RAB31: variants seen among roughly 807,000 people sequenced by gnomAD.
The protein encoded by RAB31 is ras-related protein Rab-31.
In RAB31, 21 loss-of-function variants were observed where a neutral mutation model predicts 25.6. That is an observed-to-expected ratio of 0.82 (90% confidence interval 0.58 to 1.18). The LOEUF (loss-of-function observed/expected upper bound fraction) is 1.18, where lower values mean the gene tolerates loss of function less well. RAB31 is among the 50% of genes most tolerant of loss of function. The pLI is 0.00. For synonymous variants in RAB31, 87 were observed against 84.0 expected (o/e 1.04, Z -0.20); for missense variants, 196 against 250.1 (o/e 0.78, Z 1.46).
chr18:9,846,696 G>T (rs2068763632), intron 6 of RAB31, among the ~76,000 whole-genome samples: 1 of 152,160 alleles, frequency 6.6e-6, no homozygotes, highest in Non-Finnish European at 1.5e-5. Flanking sequence ...AGAAGCCGTG[G>T]CTTCCCAGAA....
intron 6 of RAB31, among the ~76,000 whole-genome samples, chr18:9,858,714 G>A (rs557069002): frequency 3.2e-4 from 48 of 152,344 alleles, no homozygotes; most frequent in African/African-American, 1.2e-3. Flanking sequence ...TGCATTGGCA[G>A]GATGAGGGAT....
At chr18:9,824,380 GTA>G (rs1275605307) in intron 5 of RAB31, among the ~76,000 whole-genome samples, 7 of 150,812 alleles carry the variant, frequency 4.6e-5, no homozygotes, top group African/African-American at 1.2e-4. Context: ...GTGTAGATGT[GTA>G]TGTGTGTGTG....
At chr18:9,709,529 G>A (rs1345851783) in intron 1 of RAB31, among the ~76,000 whole-genome samples, 1 of 152,226 alleles carries the variant, frequency 6.6e-6, no homozygotes, top group East Asian at 1.9e-4. Context: ...TTTCGGTGAG[G>A]ACTGAATTGT....
At chr18:9,775,879 C>A (rs545626424) in intron 2 of RAB31, among the ~76,000 whole-genome samples, 2 of 152,220 alleles carry the variant, frequency 1.3e-5, no homozygotes, top group Admixed American at 1.3e-4. Context: ...CTGCAACCTC[C>A]ACCTCCAGGG....
chr18:9,853,958 CTTTTCTT>C (rs2068802204), intron 6 of RAB31, among the ~76,000 whole-genome samples: 1 of 115,378 alleles, frequency 8.7e-6, no homozygotes. Context: ...CTTTTCTTTT[CTTTTCTT>C]TTTTTTTTTT....
intron 5 of RAB31, among the ~76,000 whole-genome samples, chr18:9,829,965 T>C (rs1311679775): frequency 6.6e-6 from 1 of 151,828 alleles, no homozygotes; most frequent in Admixed American, 6.6e-5. Context: ...ATTTAGGTCT[T>C]ATATTTTCAT....
chr18:9,729,394 G>A (rs1052785051), intron 1 of RAB31, among the ~76,000 whole-genome samples: 1 of 152,008 alleles, frequency 6.6e-6, no homozygotes, highest in Non-Finnish European at 1.5e-5. Flanking sequence ...GGGCGTGGTG[G>A]TGGGCACCTG....
At chr18:9,713,539 G>C (rs1411540686) in intron 1 of RAB31, among the ~76,000 whole-genome samples, 1 of 152,018 alleles carries the variant, frequency 6.6e-6, no homozygotes, top group Non-Finnish European at 1.5e-5. Flanking sequence ...AATCCATCAG[G>C]GTCCCTTTGT....
Position 9,861,926 on chromosome 18 carries a change from G to A in RAB31, c.*2601G>A, listed in dbSNP as rs1474495716. 1.3e-5 allele frequency: 2 copies of A among 152,618 alleles called. No homozygotes were observed. Among genetic ancestry groups the A allele is most frequent in the Non-Finnish European group, 2.9e-5 (2 of 68,040 alleles). 9.5% of individuals were successfully genotyped at this position (152,618 alleles called of 1,614,324 possible). Reference sequence around the variant, plus strand: ...TGAGAATGACAGTGGAGTTGTGCAAGCATTTTACATTGCCACATAATTGAC... The same window carrying A: ...TGAGAATGACAGTGGAGTTGTGCAAACATTTTACATTGCCACATAATTGAC... On this transcript the variant is annotated 3_prime_UTR_variant, in exon 7 of 7. Transcript: ENST00000578921.
intron 1 of RAB31, among the ~76,000 whole-genome samples, chr18:9,748,333 C>T (rs190102697): frequency 3.3e-5 from 5 of 151,326 alleles, no homozygotes; most frequent in Admixed American, 1.3e-4. Flanking sequence ...CCTATCTCTA[C>T]CCCCTACCCC....
At chr18:9,830,486 G>A (rs2068672347) in intron 5 of RAB31, 1 of 152,062 alleles carries the variant, frequency 6.6e-6, no homozygotes, top group Non-Finnish European at 1.5e-5. Flanking sequence ...TCACCCCTTG[G>A]AGGTCACTAT....
chr18:9,748,121 A>G (rs1402700003), intron 1 of RAB31, among the ~76,000 whole-genome samples: 1 of 152,194 alleles, frequency 6.6e-6, no homozygotes, highest in Non-Finnish European at 1.5e-5. Context: ...TCGCAGAAGC[A>G]AGGTGAGGTG....
chr18:9,764,481 G>A (rs777038733), intron 1 of RAB31, among the ~76,000 whole-genome samples: 1 of 152,186 alleles, frequency 6.6e-6, no homozygotes, highest in Non-Finnish European at 1.5e-5. Flanking sequence ...CCCACTGGGA[G>A]AATCCATGTT....
At chr18:9,796,380 T>A (rs1426591376) in intron 3 of RAB31, among the ~76,000 whole-genome samples, 1 of 152,060 alleles carries the variant, frequency 6.6e-6, no homozygotes, top group Non-Finnish European at 1.5e-5. Context: ...CCTACTGAAA[T>A]TTTAAAAATA....
chr18:9,724,296 A>G lies in RAB31; in HGVS notation c.39+15852A>G, dbSNP rs951278743. ...AAAAAAAAAAAAAAAAACAAAAAAA[A>G]AACATTATTATTGAAATGATACTTC... On this transcript the variant is annotated intron_variant, in intron 1 of 6. Coordinates refer to ENST00000578921, the MANE Select transcript of RAB31 (RefSeq NM_006868.4). Among the ~76,000 whole-genome samples, 11 of 147,902 alleles carry G rather than the reference A, an allele frequency of 7.4e-5. 1 individual carries two copies. Among genetic ancestry groups the G allele is most frequent in the Non-Finnish European group, 1.6e-4 (11 of 67,670 alleles).
At position 9,826,938 on chromosome 18, in the gene RAB31, T is replaced by G. The variant is rs544755685; in HGVS notation, c.380+11716T>G. On this transcript the variant is annotated intron_variant, in intron 5 of 6. Transcript: ENST00000578921. Reference sequence around the variant, plus strand: ...GCAAGAATCACTCCCTCACACTTCCTCTGACAAGCATGGGCAGCCTTGACC... The same window carrying G: ...GCAAGAATCACTCCCTCACACTTCCGCTGACAAGCATGGGCAGCCTTGACC... Among the ~76,000 whole-genome samples, 93 of 152,282 alleles carry G rather than the reference T, an allele frequency of 6.1e-4. No individual in the cohort carries two copies. The South Asian group carries it at 0.019, about 31-fold the overall frequency.
rs138041279 is a variant in RAB31, at chr18:9,839,738, A to C, written c.381-5844A>C. Among the ~76,000 whole-genome samples the C allele has an allele frequency of 2.8e-3, 427 of 152,216 alleles. 2 individuals carry two copies. The highest frequency in any genetic ancestry group is 4.8e-3 in the Non-Finnish European group (324 of 68,004). ...TCCAGACGTGGAAGAGAAAGGGTGG[A>C]GTCTGTGGCCCCCGAGCCTGTAACC... On this transcript the variant is annotated intron_variant, in intron 5 of 6. Transcript: ENST00000578921.
intron 6 of RAB31, 91 bp from the exon 7 acceptor site, chr18:9,859,137 A>AAATATT (rs10695443): frequency 0.62 from 660,666 of 1,069,486 alleles, 207,443 homozygotes; most frequent in African/African-American, 0.77. Context: ...TGCACAGCCC[A>AAATATT]AAGCAGGAGT....
chr18:9,779,146 G>A (rs1477601479), intron 2 of RAB31, among the ~76,000 whole-genome samples: 1 of 151,954 alleles, frequency 6.6e-6, no homozygotes, highest in Non-Finnish European at 1.5e-5. Context: ...AAGGGTCAAC[G>A]GTCTATGGAA....
Sources: gnomAD v4.1 joint callset for allele counts (sites outside exome capture counted in the v4.1 genomes callset) on GRCh38, gnomAD v4.1.1 for gene constraint, MANE v1.5 for transcripts, NCBI Gene and HGNC (gene_info 2026-07-23, HGNC 2026-07-21) for gene names.